Variants in PTPRN2 observed in about 807,000 individuals in gnomAD.
PTPRN2 encodes the protein protein tyrosine phosphatase receptor type N2, also known as receptor-type tyrosine-protein phosphatase N2.
A neutral mutation model predicts 118.8 loss-of-function variants in PTPRN2; 74 were observed. The observed-to-expected ratio is 0.62, with a 90% CI of 0.52 to 0.76. The LOEUF (loss-of-function observed/expected upper bound fraction) is 0.76. PTPRN2 is among the 30% of genes least tolerant of loss of function. The pLI is 0.00. For synonymous variants in PTPRN2, 641 were observed against 608.0 expected (o/e 1.05, Z -0.80); for missense variants, 1,481 against 1,394.4 (o/e 1.06, Z -0.99).
chr7:157,870,557 C>T (rs1240546577), intron 12 of PTPRN2, among the ~76,000 whole-genome samples: 1 of 152,224 alleles, frequency 6.6e-6, no homozygotes, highest in Non-Finnish European at 1.5e-5. Context: ...ATATTCTCTT[C>T]CTAGCCTTAA....
At chr7:158,523,209 G>T (rs1358432146) in intron 1 of PTPRN2, among the ~76,000 whole-genome samples, 1 of 152,146 alleles carries the variant, frequency 6.6e-6, no homozygotes, top group African/African-American at 2.4e-5. Context: ...GGGGTCTGGG[G>T]AGCCCCAGTG....
In PTPRN2 at chr7:158,236,688, G is replaced by A. The variant is rs142393352; in HGVS notation, c.278-31415C>T. Among the ~76,000 whole-genome samples the A allele has an allele frequency of 7.4e-4, 112 of 152,196 alleles. 1 individual carries two copies. The East Asian group carries it at 0.02, about 27-fold the overall frequency. ...TGGCCCCCCAGTTACCCAGTTACCCGGTGCAACCTGTCCCCGCCTGGTCAC... is the reference window on the plus strand; with the variant it reads ...TGGCCCCCCAGTTACCCAGTTACCCAGTGCAACCTGTCCCCGCCTGGTCAC... On this transcript the variant is annotated intron_variant, in intron 3 of 22. Coordinates refer to ENST00000389418, the MANE Select transcript of PTPRN2 (RefSeq NM_002847.5).
chr7:158,001,750 T>C (rs895583927), intron 11 of PTPRN2, among the ~76,000 whole-genome samples: 2 of 152,330 alleles, frequency 1.3e-5, no homozygotes, highest in Non-Finnish European at 2.9e-5. Context: ...TTCATCTGTT[T>C]ATACACAAAC....
chr7:158,470,446 A>G (rs1819770443), intron 2 of PTPRN2, among the ~76,000 whole-genome samples: 1 of 152,186 alleles, frequency 6.6e-6, no homozygotes, highest in Non-Finnish European at 1.5e-5. Context: ...AGCTCCTGAA[A>G]AGGTTCACGC....
chr7:158,379,880 T>C lies in PTPRN2; in HGVS notation c.164-62948A>G, dbSNP rs1232709963. Among the ~76,000 whole-genome samples the C allele has an allele frequency of 4.6e-5, 7 of 152,120 alleles. No individual in the cohort carries two copies. In the South Asian group the frequency reaches 1.5e-3, roughly 32 times the overall value. ...GGCTGGGGGGGCCTCACAATCATGGTGGAAGGCAAAGAGGAGCAAAGTCAC... is the reference window on the plus strand; with the variant it reads ...GGCTGGGGGGGCCTCACAATCATGGCGGAAGGCAAAGAGGAGCAAAGTCAC... On this transcript the variant is annotated intron_variant, in intron 2 of 22. Transcript: ENST00000389418.
intron 11 of PTPRN2, among the ~76,000 whole-genome samples, chr7:158,033,245 T>C (rs4716885): frequency 0.38 from 57,469 of 151,530 alleles, 11,717 homozygotes; most frequent in African/African-American, 0.53. Flanking sequence ...CACATGGAGC[T>C]GTGGTGATCT....
At chr7:157,595,737 T>G (rs1383812406) in intron 16 of PTPRN2, among the ~76,000 whole-genome samples, 2 of 152,044 alleles carry the variant, frequency 1.3e-5, no homozygotes, top group Admixed American at 1.3e-4. Context: ...GAGGGAAAGG[T>G]GGCATCTCCT....
At chr7:157,896,908 C>A (rs1797163426) in intron 12 of PTPRN2, among the ~76,000 whole-genome samples, 1 of 152,076 alleles carries the variant, frequency 6.6e-6, no homozygotes, top group Non-Finnish European at 1.5e-5. Context: ...CCAGATGAAC[C>A]CCAGAGTCTC....
chr7:158,413,201 C>T (rs891356401), intron 2 of PTPRN2, among the ~76,000 whole-genome samples: 15 of 152,220 alleles, frequency 9.9e-5, no homozygotes, highest in African/African-American at 3.4e-4. Context: ...GATGCAAGCT[C>T]GTTCCAGACC....
At chr7:158,055,844 G>A (rs1042170114) in intron 11 of PTPRN2, among the ~76,000 whole-genome samples, 1 of 149,552 alleles carries the variant, frequency 6.7e-6, no homozygotes, top group African/African-American at 2.5e-5. Flanking sequence ...TGACTTGGTG[G>A]TAGTTGTCCC....
At chr7:158,340,443 C>G (rs1177906319) in intron 2 of PTPRN2, among the ~76,000 whole-genome samples, 22 of 86,434 alleles carry the variant, frequency 2.5e-4, no homozygotes, top group South Asian at 1.1e-3. Context: ...ACCGTAAGAG[C>G]TGACACCCGC....
rs888898340 is a variant in PTPRN2 at position 157,674,210 on chromosome 7, T to C, written c.2001+8515A>G. On this transcript the variant is annotated intron_variant, in intron 13 of 22. Transcript: ENST00000389418. The surrounding 1 kb of genome is among the most constrained non-coding windows in gnomAD (Gnocchi z 4.5). ...GCGGGGCTCACAGAGCAGAGAGCCA[T>C]GGAGAGCTCCGGGCCGAAGGGGACT... 6.6e-6 allele frequency among the ~76,000 whole-genome samples: 1 copy of C among 151,788 alleles called. No individual in the cohort carries two copies. Among genetic ancestry groups the C allele is most frequent in the African/African-American group, 2.4e-5 (1 of 41,306 alleles).
At chr7:157,985,025 T>A (rs79814835) in intron 11 of PTPRN2, among the ~76,000 whole-genome samples, 2,032 of 152,250 alleles carry the variant, frequency 0.013, 19 homozygotes, top group Non-Finnish European at 0.022. Flanking sequence ...CTGCAGGTGG[T>A]GGTCTCTAGC....
chr7:157,855,613 G>C (rs1044961101), intron 12 of PTPRN2, among the ~76,000 whole-genome samples: 1 of 152,210 alleles, frequency 6.6e-6, no homozygotes, highest in East Asian at 1.9e-4. Flanking sequence ...TCCCTGGAAG[G>C]GGGGATGTCA....
chr7:158,235,562 C>T (rs1479318344), intron 3 of PTPRN2, among the ~76,000 whole-genome samples: 2 of 152,226 alleles, frequency 1.3e-5, no homozygotes, highest in Non-Finnish European at 2.9e-5. Flanking sequence ...AGGGTGCCTC[C>T]GTTGAGATTG....
intron 2 of PTPRN2, among the ~76,000 whole-genome samples, chr7:158,424,021 G>C: frequency 6.6e-6 from 1 of 152,114 alleles, no homozygotes; most frequent in East Asian, 1.9e-4. Context: ...TTCGGAAGAG[G>C]CTAAACAGCT....
At chr7:157,961,628 A>C (rs7801495) in intron 11 of PTPRN2, among the ~76,000 whole-genome samples, 38,356 of 152,148 alleles carry the variant, frequency 0.25, 5,087 homozygotes, top group Middle Eastern at 0.33. Flanking sequence ...CTGTCTCAGC[A>C]TTAAAGCATC....
rs1303637648 is a variant in PTPRN2 at position 158,438,468 on chromosome 7, C to T, written c.163+51267G>A. ...TCAACACATATATACATTGTGGAAT[C>T]ATCAAAACAGGCTAATTAACAGGAT... On this transcript the variant is annotated intron_variant, in intron 2 of 22. Transcript: ENST00000389418. The surrounding 1 kb of genome is among the most constrained non-coding windows in gnomAD (Gnocchi z 4.7). Among the ~76,000 whole-genome samples the T allele has an allele frequency of 6.6e-6, 1 of 152,088 alleles. No individual in the cohort carries two copies. Among genetic ancestry groups the T allele is most frequent in the Non-Finnish European group, 1.5e-5 (1 of 68,016 alleles).
At chr7:157,863,469 T>C (rs1810395122) in intron 12 of PTPRN2, 1 of 152,234 alleles carries the variant, frequency 6.6e-6, no homozygotes, top group Non-Finnish European at 1.5e-5. Flanking sequence ...GAAGTCACAG[T>C]TGATGCTGAA....
Sources: allele counts gnomAD v4.1 joint callset (sites outside exome capture counted in the v4.1 genomes callset), GRCh38; gene constraint gnomAD v4.1.1; non-coding constraint Gnocchi (gnomAD v3.1); transcripts MANE v1.5; gene names NCBI Gene and HGNC (gene_info 2026-07-23, HGNC 2026-07-21).